Variants in FGF14 observed in about 807,000 individuals in gnomAD.
FGF14 encodes fibroblast growth factor 14.
A neutral mutation model predicts 25.5 loss-of-function variants in FGF14; 5 were observed. The observed-to-expected ratio is 0.20, with a 90% CI of 0.10 to 0.41. FGF14 has a LOEUF of 0.41. Among genes scored for constraint, FGF14 ranks in the 10% least tolerant of loss-of-function variants. The pLI is 1.00. For synonymous variants in FGF14, 138 were observed against 118.3 expected, an observed-to-expected ratio of 1.17 and a Z score of -1.08; for missense variants, 222 against 320.1, an observed-to-expected ratio of 0.69 and a Z score of 2.34.
At chr13:102,277,753 C>A (rs55923817) in intron 1 of FGF14, among the ~76,000 whole-genome samples, 3,774 of 152,324 alleles carry the variant, frequency 0.025, 155 homozygotes, top group African/African-American at 0.085. Flanking sequence ...CCATTCAAAC[C>A]CTTCTCTGCC....
At chr13:101,830,968 T>C (rs1458734547) in intron 3 of FGF14, among the ~76,000 whole-genome samples, 1 of 152,130 alleles carries the variant, frequency 6.6e-6, no homozygotes, top group Non-Finnish European at 1.5e-5. Flanking sequence ...TCTCTTCTAC[T>C]TTTAAGTAAT....
intron 1 of FGF14, among the ~76,000 whole-genome samples, chr13:102,010,221 T>C (rs1338774128): frequency 1.3e-5 from 2 of 152,140 alleles, no homozygotes; most frequent in African/African-American, 2.4e-5. Context: ...ACAGTGGGTT[T>C]TATATTATAT....
chr13:102,235,405 T>A (rs1323563516), intron 1 of FGF14, among the ~76,000 whole-genome samples: 4 of 152,210 alleles, frequency 2.6e-5, no homozygotes, highest in African/African-American at 9.6e-5. Flanking sequence ...TGTTCTTTGC[T>A]GCTCAAAGTT....
chr13:102,104,104 C>T (rs483285), intron 1 of FGF14, among the ~76,000 whole-genome samples: 1 of 152,122 alleles, frequency 6.6e-6, no homozygotes, highest in Non-Finnish European at 1.5e-5. Context: ...TCAGTAACCC[C>T]GAGGACTAAG....
intron 1 of FGF14, among the ~76,000 whole-genome samples, chr13:102,026,839 GA>G (rs151202722): frequency 0.032 from 4,826 of 151,916 alleles, 246 homozygotes; most frequent in African/African-American, 0.11. Flanking sequence ...TTTAAGTGAG[GA>G]AAAAAGCTCC....
chr13:102,381,616 T>G (rs1423878829), intron 1 of FGF14, among the ~76,000 whole-genome samples: 1 of 152,218 alleles, frequency 6.6e-6, no homozygotes, highest in African/African-American at 2.4e-5. Context: ...CGGAATGGGC[T>G]AAAACATGTT....
At chr13:101,985,358 A>T (rs2038513989) in intron 1 of FGF14, among the ~76,000 whole-genome samples, 1 of 152,074 alleles carries the variant, frequency 6.6e-6, no homozygotes, top group Non-Finnish European at 1.5e-5. Flanking sequence ...TTCATTATTT[A>T]TACAGAACTC....
intron 1 of FGF14, among the ~76,000 whole-genome samples, chr13:102,232,286 A>G (rs1347746224): frequency 1.2e-5 from 1 of 83,230 alleles, no homozygotes; most frequent in Non-Finnish European, 2.1e-5. Flanking sequence ...CAAGCTGAAG[A>G]AAAGAATAAA....
intron 1 of FGF14, among the ~76,000 whole-genome samples, chr13:102,306,919 T>G (rs545013177): frequency 4.1e-4 from 62 of 152,094 alleles, no homozygotes; most frequent in Non-Finnish European, 6.6e-4. Context: ...TTATCATACA[T>G]GGCAAAGAGG....
intron 1 of FGF14, among the ~76,000 whole-genome samples, chr13:102,159,158 G>A (rs2772369): frequency 0.28 from 36,218 of 127,386 alleles, 6,110 homozygotes; most frequent in East Asian, 0.6. Context: ...AAAAAAAAAA[G>A]AAAAGAAAAG....
chr13:102,392,089 T>A (rs747226576), intron 1 of FGF14, among the ~76,000 whole-genome samples: 21 of 152,214 alleles, frequency 1.4e-4, no homozygotes, highest in Non-Finnish European at 2.9e-4. Flanking sequence ...GCTACACCTT[T>A]AAGATGCAGC....
At chr13:102,280,672 C>T (rs2053783681) in intron 1 of FGF14, among the ~76,000 whole-genome samples, 1 of 152,160 alleles carries the variant, frequency 6.6e-6, no homozygotes. Context: ...CACACCAATG[C>T]CTTCTTTGAA....
At position 101,715,551 on chromosome 13, in the gene FGF14, A is replaced by G. The variant is rs758498453; in HGVS notation, c.*7280T>C. 1 of 1,588,312 alleles carries G rather than the reference A, an allele frequency of 6.3e-7. No individual in the cohort carries two copies. The highest frequency in any genetic ancestry group is 8.6e-7 in the Non-Finnish European group (1 of 1,156,614). On this transcript the variant is annotated 3_prime_UTR_variant, in exon 5 of 5. Coordinates refer to ENST00000376143, the MANE Select transcript of FGF14 (RefSeq NM_004115.4). Reference sequence around the variant, plus strand: ...GATCATAATCATGATACCTATATGTATTTTATTGCAGGGAATGGAATATGT... The same window carrying G: ...GATCATAATCATGATACCTATATGTGTTTTATTGCAGGGAATGGAATATGT...
intron 1 of FGF14, among the ~76,000 whole-genome samples, chr13:102,233,151 T>A (rs550327622): frequency 6.6e-6 from 1 of 152,294 alleles, no homozygotes; most frequent in East Asian, 1.9e-4. Flanking sequence ...GTTGTTGTTT[T>A]GAGACAGAGT....
intron 3 of FGF14, among the ~76,000 whole-genome samples, chr13:101,818,063 A>T (rs1461186606): frequency 6.6e-6 from 1 of 152,202 alleles, no homozygotes; most frequent in Admixed American, 6.5e-5. Flanking sequence ...AGACTCTTGG[A>T]AGGTCAAGGT....
Position 102,324,876 on chromosome 13 carries a change from C to A in FGF14, c.208+76595G>T, listed in dbSNP as rs548194224. 2.6e-5 allele frequency among the ~76,000 whole-genome samples: 4 copies of A among 152,212 alleles called. No individual in the cohort carries two copies. In the South Asian group the frequency reaches 6.2e-4, roughly 24 times the overall value. On this transcript the variant is annotated intron_variant, in intron 1 of 4. Coordinates refer to the FGF14 transcript ENST00000376131. ...AATAATAACTCCTTAAAACTCACCCCCTTTTCACTGTACCATATCGCCTGC... is the reference window on the plus strand; with the variant it reads ...AATAATAACTCCTTAAAACTCACCCACTTTTCACTGTACCATATCGCCTGC...
At chr13:101,979,362 C>A (rs1566526072) in intron 1 of FGF14, among the ~76,000 whole-genome samples, 1 of 152,134 alleles carries the variant, frequency 6.6e-6, no homozygotes, top group Admixed American at 6.5e-5. Flanking sequence ...CTGACATTTG[C>A]CCTTTTCATT....
chr13:101,740,598 G>A (rs759785622), intron 3 of FGF14, among the ~76,000 whole-genome samples: 2 of 152,056 alleles, frequency 1.3e-5, no homozygotes, highest in Non-Finnish European at 1.5e-5. Flanking sequence ...TGTGGAACTG[G>A]ATGACATTTT....
At chr13:101,739,658 T>G (rs2036415588) in intron 3 of FGF14, among the ~76,000 whole-genome samples, 1 of 151,870 alleles carries the variant, frequency 6.6e-6, no homozygotes, top group South Asian at 2.1e-4. Context: ...AACAACGAAA[T>G]CAGAATGCAG....
Sources: allele counts gnomAD v4.1 joint callset (sites outside exome capture counted in the v4.1 genomes callset), GRCh38; gene constraint gnomAD v4.1.1; transcripts MANE v1.5; gene names NCBI Gene and HGNC (gene_info 2026-07-23, HGNC 2026-07-21).